ZNF394: variants seen among roughly 807,000 people sequenced by gnomAD.
The protein encoded by ZNF394 is zinc finger protein 394, also known as zinc finger protein 99.
Under a neutral mutation model 21.8 loss-of-function variants are expected in ZNF394, and 19 were observed. That is an observed-to-expected ratio of 0.87 (90% confidence interval 0.61 to 1.28). The LOEUF (loss-of-function observed/expected upper bound fraction) is 1.28. ZNF394 is among the 50% of genes most tolerant of loss of function. The pLI is 0.00. For synonymous variants in ZNF394, 294 were observed against 273.3 expected, an observed-to-expected ratio of 1.08 and a Z score of -0.75; for missense variants, 683 against 708.6, an observed-to-expected ratio of 0.96 and a Z score of 0.41.
chr7:99,494,703 A>G, intron 2 of ZNF394, 72 bp from the exon 3 acceptor site: 1 of 1,501,522 alleles, frequency 6.7e-7, no homozygotes, highest in Non-Finnish European at 8.8e-7. Flanking sequence ...TGCTGGCAGA[A>G]TGTTAAACCC....
chr7:99,493,646 C>T lies in ZNF394; in HGVS notation c.1569G>A (p.Lys523=), dbSNP rs1025923377. The change falls in exon 3 of 3, where the codon AAG becomes AAA. Residue 523 remains lysine, a synonymous_variant. Coordinates refer to ENST00000337673, the MANE Select transcript of ZNF394 (RefSeq NM_032164.4). ...IKHQRIHTGE[K]PYKCLECGER... ...CCCCACATTCAAGACATTTGTAAGG[C>T]TTTTCCCCAGTGTGAATTCTCTGGT... 1.2e-6 allele frequency: 2 copies of T among 1,614,220 alleles called. No individual in the cohort carries two copies. Among genetic ancestry groups the T allele is most frequent in the Non-Finnish European group, 1.7e-6 (2 of 1,180,040 alleles).
At position 99,500,227 on chromosome 7, in the gene ZNF394, ACT is replaced by A; in HGVS notation, c.-136_-135del. 1 of 768,362 alleles carries A rather than the reference ACT, an allele frequency of 1.3e-6. No homozygotes were observed. The highest frequency in any genetic ancestry group is 4.0e-4 in the Middle Eastern group (1 of 2,502). The allele number at this position is 768,362 out of a possible 1,614,324, so 47.6% of individuals were successfully genotyped here. On this transcript the variant is annotated 5_prime_UTR_variant, in exon 1 of 3. Coordinates refer to ENST00000337673, the MANE Select transcript of ZNF394 (RefSeq NM_032164.4). ...CCCACCACACCAGGCCCCTCTCCAC[ACT>A]CTCCTTTCCTCAGCTTTGCGCCTAC...
At chr7:99,487,254 G>A (rs1464982014) in intron 1 of ZNF394, 1 of 1,614,192 alleles carries the variant, frequency 6.2e-7, no homozygotes, top group South Asian at 1.1e-5. Context: ...AATGTGGACA[G>A]TCCTTTGGTA....
At chr7:99,493,220 A>C (rs1365153889), downstream of ZNF394, 4 of 1,076,088 alleles carry the variant, frequency 3.7e-6, no homozygotes, top group Non-Finnish European at 4.5e-6. Flanking sequence ...CAAGAAAAGA[A>C]ACAGGCCAAG....
At chr7:99,498,881 C>A in intron 1 of ZNF394, 39 bp from the exon 2 acceptor site, 1 of 1,591,058 alleles carries the variant, frequency 6.3e-7, no homozygotes, top group Non-Finnish European at 8.6e-7. Context: ...ACCTGCTGTC[C>A]CTGTACAGCA....
Position 99,493,738 on chromosome 7 carries a change from C to T in ZNF394, c.1477G>A (p.Gly493Arg), listed in dbSNP as rs1800216513. Residue 493 changes from glycine (G) to arginine (R), a missense_variant, in exon 3 of 3, where the codon GGG becomes AGG. Physicochemically the swap from Gly to Arg is moderately radical, Grantham distance 125 (BLOSUM62 -2). Transcript: ENST00000337673. ...DLFKHHRIHT[G>R]EKPYGCSVCG... ...ACGGAACATCCATAGGGCTTCTCCCCAGTGTGGATTCTGTGGTGTTTAAAG... is the reference window on the plus strand; with the variant it reads ...ACGGAACATCCATAGGGCTTCTCCCTAGTGTGGATTCTGTGGTGTTTAAAG... The T allele has an allele frequency of 6.2e-7, 1 of 1,614,032 alleles. No homozygotes were observed. The highest frequency in any genetic ancestry group is 1.3e-5 in the African/African-American group (1 of 74,924).
intron 2 of ZNF394, chr7:99,497,965 C>CTGCGTAG (rs1053343213): frequency 7.2e-5 from 11 of 152,156 alleles, no homozygotes; most frequent in African/African-American, 2.2e-4. Context: ...TCTGATTGTA[C>CTGCGTAG]TGTGGGTAAG....
At chr7:99,487,151 A>T in intron 1 of ZNF394, 4 of 1,614,162 alleles carry the variant, frequency 2.5e-6, no homozygotes, top group Non-Finnish European at 3.4e-6. Context: ...AAACGCCATA[A>T]ATGCCTTGAG....
rs1282502963 is a variant in ZNF394 at position 99,494,070 on chromosome 7, C to A, written c.1145G>T (p.Gly382Val). The A allele has an allele frequency of 1.2e-6, 2 of 1,614,014 alleles. No individual in the cohort carries two copies. The highest frequency in any genetic ancestry group is 1.3e-5 in the African/African-American group (1 of 74,870). The change falls in exon 3 of 3, where the codon GGT (glycine) becomes GTT (valine). Residue 382 changes from glycine to valine, a missense_variant. By Grantham distance (109) the Gly-to-Val change is moderately radical. This residue lies in a region of ZNF394 where 274 missense variants were observed against 314.1 expected (regional missense o/e 0.87). Coordinates refer to ENST00000337673, the MANE Select transcript of ZNF394 (RefSeq NM_032164.4). ...DLFRHQRIHT[G>V]EKPYGCQECG... ...TTCTTGGCAGCCATAGGGTTTCTCACCTGTGTGGATTCTCTGGTGTCTAAA... is the reference window on the plus strand; with the variant it reads ...TTCTTGGCAGCCATAGGGTTTCTCAACTGTGTGGATTCTCTGGTGTCTAAA...
chr7:99,499,870 A>G lies in ZNF394; in HGVS notation c.224T>C (p.Val75Ala). ...GCTCAGCGCCTCTTCCGGTCCAGCC[A>G]CCTCCTGGTAACGCAGCTGCCTAAA... ...LHFRQLRYQE[V>A]AGPEEALSRL... The change falls in exon 1 of 3, where the codon GTG (valine) becomes GCG (alanine). Residue 75 changes from valine to alanine, a missense_variant. Val to Ala is a moderately conservative substitution (Grantham distance 64). Transcript: ENST00000337673. The G allele has an allele frequency of 6.2e-7, 1 of 1,614,064 alleles. No homozygotes were observed. Among genetic ancestry groups the G allele is most frequent in the Non-Finnish European group, 8.5e-7 (1 of 1,180,010 alleles).
chr7:99,497,110 G>GTATA (rs1321695847), intron 2 of ZNF394, among the ~76,000 whole-genome samples: 16 of 118,716 alleles, frequency 1.3e-4, no homozygotes, highest in African/African-American at 6.3e-4. Context: ...GTGTGTGTGT[G>GTATA]TGTGTGTGTG....
At chr7:99,491,501 G>A (rs1336106644), downstream of ZNF394, among the ~76,000 whole-genome samples, 1 of 152,056 alleles carries the variant, frequency 6.6e-6, no homozygotes, top group Non-Finnish European at 1.5e-5. Context: ...TCAGCTTGGG[G>A]GCTAACTGGA....
exon 2 of ZNF394, chr7:99,486,742 G>T (rs1248813491): frequency 3.2e-5 from 51 of 1,614,098 alleles, no homozygotes; most frequent in Non-Finnish European, 4.2e-5. Flanking sequence ...ATATGATGAG[G>T]ATGGCAAACC....
At position 99,494,110 on chromosome 7, in the gene ZNF394, G is replaced by C; in HGVS notation, c.1105C>G (p.Gln369Glu). The C allele has an allele frequency of 6.2e-7, 1 of 1,614,228 alleles. No individual in the cohort carries two copies. The highest frequency in any genetic ancestry group is 8.5e-7 in the Non-Finnish European group (1 of 1,180,046). Residue 369 changes from glutamine to glutamate, a missense_variant, in exon 3 of 3, where the codon CAA (glutamine) becomes GAA (glutamate). Physicochemically the swap from Gln to Glu is conservative, Grantham distance 29. Around this residue, in one of 3 missense-constraint regions of ZNF394, gnomAD observed 274 missense variants for 314.1 expected, o/e 0.87. Transcript: ENST00000337673. Reference protein sequence around the residue: ...KCGNCGKSFKQRSDLFRHQRI... With the variant: ...KCGNCGKSFKERSDLFRHQRI... The stretch of plus-strand genomic sequence containing the variant: ...TGGTGTCTAAAGAGGTCAGAGCGTT[G>C]TTTGAAACTCTTCCCACAGTTACCA...
intron 2 of ZNF394, among the ~76,000 whole-genome samples, chr7:99,497,112 G>GTATATATA (rs1189029640): frequency 5.1e-5 from 6 of 117,420 alleles, no homozygotes; most frequent in South Asian, 2.6e-4. Context: ...GTGTGTGTGT[G>GTATATATA]TGTGTGTGTG....
At chr7:99,498,053 T>C (rs1438179546) in intron 2 of ZNF394, 5 of 152,106 alleles carry the variant, frequency 3.3e-5, no homozygotes, top group Non-Finnish European at 7.3e-5. Context: ...AACTCCAACA[T>C]AGAAACAAAT....
At position 99,500,059 on chromosome 7, in the gene ZNF394, C is replaced by A. The variant is rs1042242706; in HGVS notation, c.35G>T (p.Ser12Ile). ...NSSLTAQRRG[S>I]DAELGPWVMA... ...CACCCAGGGTCCCAACTCGGCGTCACTGCCGCGCCTCTGGGCGGTCAAGCT... is the reference window on the plus strand; with the variant it reads ...CACCCAGGGTCCCAACTCGGCGTCAATGCCGCGCCTCTGGGCGGTCAAGCT... Residue 12 changes from serine (S) to isoleucine (I), a missense_variant, in exon 1 of 3, where the codon AGT (serine) becomes ATT (isoleucine). Coordinates refer to ENST00000337673, the MANE Select transcript of ZNF394 (RefSeq NM_032164.4). 82 of 1,582,002 alleles carry A rather than the reference C, an allele frequency of 5.2e-5. 1 individual carries two copies. In the Admixed American group the frequency reaches 1.4e-3, roughly 28 times the overall value.
At chr7:99,492,923 G>A (rs757434164), downstream of ZNF394, among the ~76,000 whole-genome samples, 28 of 152,156 alleles carry the variant, frequency 1.8e-4, no homozygotes, top group Middle Eastern at 3.4e-3. Context: ...CTGGGCTCCC[G>A]CTGGAGGGCT....
intron 2 of ZNF394, 143 bp downstream of exon 2, chr7:99,498,573 A>C: frequency 8.5e-7 from 1 of 1,182,880 alleles, no homozygotes; most frequent in Non-Finnish European, 1.2e-6. Flanking sequence ...ACCTAGCAGT[A>C]CAGAGGCTCC....
Sources: allele counts gnomAD v4.1 joint callset (sites outside exome capture counted in the v4.1 genomes callset), GRCh38; gene constraint gnomAD v4.1.1; regional missense constraint gnomAD v4.1.1; transcripts MANE v1.5; gene names NCBI Gene and HGNC (gene_info 2026-07-23, HGNC 2026-07-21).